The following METTL16 variants were observed in gnomAD, a reference collection of about 807,000 sequenced individuals.
The protein encoded by METTL16 is methyltransferase 16, RNA N6-adenosine, also known as RNA N(6)-adenosine-methyltransferase METTL16.
Under a neutral mutation model 57.9 loss-of-function variants are expected in METTL16, and 19 were observed. The ratio of observed to expected loss-of-function variants is 0.33; its 90% CI spans 0.23 to 0.48. The LOEUF (loss-of-function observed/expected upper bound fraction) is 0.48. Ranked by LOEUF, METTL16 falls within the 20% of genes least tolerant of loss-of-function variation. METTL16 has a pLI of 0.99. For missense variants in METTL16, 434 were observed against 691.5 expected (o/e 0.63, Z 4.18); for synonymous variants, 246 against 255.6 (o/e 0.96, Z 0.36).
intron 2 of METTL16, among the ~76,000 whole-genome samples, chr17:2,485,688 T>C (rs2067336272): frequency 6.6e-6 from 1 of 152,220 alleles, no homozygotes; most frequent in Admixed American, 6.5e-5. Context: ...CAACAAATAG[T>C]TATTAAGTGT....
In METTL16 at chr17:2,418,966, G is replaced by A. The variant is rs1265311467; in HGVS notation, c.*1004C>T. 6.6e-6 allele frequency: 1 copy of A among 152,220 alleles called. No homozygotes were observed. Among genetic ancestry groups the A allele is most frequent in the Non-Finnish European group, 1.5e-5 (1 of 68,096 alleles). 9.4% of individuals were successfully genotyped at this position (152,220 alleles called of 1,614,324 possible). A position where few individuals can be genotyped will look rare whatever the true frequency, so the allele number is the denominator to read the frequency against. ...GTGTTTCAAGGACACAGTTACTCCG[G>A]CCTCAGAACTCTCCAATGTGAGTAG... On this transcript the variant is annotated 3_prime_UTR_variant, in exon 10 of 10. Coordinates refer to ENST00000263092, the MANE Select transcript of METTL16 (RefSeq NM_024086.4).
Position 2,420,665 on chromosome 17 carries a change from A to G in METTL16, c.1062+66T>C. On this transcript the variant is annotated intron_variant, in intron 9 of 9. Transcript: ENST00000263092. The surrounding 1 kb of genome is among the most constrained non-coding windows in gnomAD (Gnocchi z 5.4). ...CCTCTCTCCAAACTCTCAATAAAAA[A>G]AAAAAGAAAAAAGAAAAAAGAGAAG... The G allele has an allele frequency of 3.2e-6, 5 of 1,558,402 alleles. No individual in the cohort carries two copies. Among genetic ancestry groups the G allele is most frequent in the Non-Finnish European group, 4.3e-6 (5 of 1,160,844 alleles).
chr17:2,436,871 CTTTTTT>C, intron 8 of METTL16: 2 of 129,360 alleles, frequency 1.5e-5, no homozygotes, highest in Non-Finnish European at 1.6e-5. Context: ...GTGAACAAAC[CTTTTTT>C]TTTTTTTTTT....
At chr17:2,457,330 T>A (rs1321529274) in intron 6 of METTL16, among the ~76,000 whole-genome samples, 3 of 104,892 alleles carry the variant, frequency 2.9e-5, no homozygotes, top group East Asian at 5.6e-4. Context: ...AGAGCGAGAC[T>A]CCGTCTCAAA....
At chr17:2,436,056 C>T (rs751902500) in intron 8 of METTL16, among the ~76,000 whole-genome samples, 5 of 152,132 alleles carry the variant, frequency 3.3e-5, no homozygotes, top group Non-Finnish European at 7.4e-5. Flanking sequence ...CTTCCACCTG[C>T]AGCGCCGACA....
chr17:2,488,663 G>A (rs186539780), intron 2 of METTL16, among the ~76,000 whole-genome samples: 10 of 152,224 alleles, frequency 6.6e-5, no homozygotes, highest in East Asian at 1.9e-4. Flanking sequence ...TGAAATAAGC[G>A]AGTCAAAAAC....
chr17:2,415,944 TAGA>T (rs2066710949), downstream of METTL16: 1 of 151,882 alleles, frequency 6.6e-6, no homozygotes, highest in African/African-American at 2.4e-5. Flanking sequence ...TATTCTAGAG[TAGA>T]AGGACAGCTG....
At chr17:2,461,669 C>T (rs1010335096) in intron 6 of METTL16, among the ~76,000 whole-genome samples, 1 of 151,534 alleles carries the variant, frequency 6.6e-6, no homozygotes, top group Non-Finnish European at 1.5e-5. Context: ...CTCTGCCTCC[C>T]AGGTTCAAGC....
chr17:2,442,950 C>T (rs1485748462), intron 6 of METTL16, among the ~76,000 whole-genome samples: 4 of 151,968 alleles, frequency 2.6e-5, no homozygotes, highest in Non-Finnish European at 4.4e-5. Flanking sequence ...GCCTCAGCCT[C>T]GCAAGTAGCT....
chr17:2,439,241 T>C (rs886443653), intron 7 of METTL16, among the ~76,000 whole-genome samples: 2 of 152,208 alleles, frequency 1.3e-5, no homozygotes, highest in South Asian at 4.1e-4. Flanking sequence ...TCCTGGGTAG[T>C]GGGGACTACA....
chr17:2,448,800 T>TAAAAAAAAAAAAAAAAAAAAAAAA (rs1491334811), intron 6 of METTL16, among the ~76,000 whole-genome samples: 1 of 64,310 alleles, frequency 1.6e-5, no homozygotes, highest in African/African-American at 7.9e-5. Context: ...AAAAATAAAA[T>TAAAAAAAAAAAAAAAAAAAAAAAA]TTAAAAAAAA....
chr17:2,437,835 C>T (rs1484213549), intron 8 of METTL16, among the ~76,000 whole-genome samples: 1 of 152,194 alleles, frequency 6.6e-6, no homozygotes, highest in Non-Finnish European at 1.5e-5. Context: ...CAGGCATAAG[C>T]CACCATGCCC....
At chr17:2,467,095 G>A (rs1410387595) in intron 5 of METTL16, among the ~76,000 whole-genome samples, 8 of 152,052 alleles carry the variant, frequency 5.3e-5, no homozygotes, top group South Asian at 4.1e-4. Context: ...GTGAGTCACC[G>A]TGCAAGCTTC....
intron 2 of METTL16, among the ~76,000 whole-genome samples, chr17:2,493,656 T>C (rs1325206960): frequency 6.6e-6 from 1 of 150,750 alleles, no homozygotes; most frequent in Non-Finnish European, 1.5e-5. Context: ...GTGGTGGAGG[T>C]TGCAGTGAGC....
At chr17:2,505,238 G>T (rs906164469) in intron 1 of METTL16, among the ~76,000 whole-genome samples, 2 of 151,134 alleles carry the variant, frequency 1.3e-5, no homozygotes, top group Admixed American at 1.3e-4. Context: ...TTTAAATAAT[G>T]ATTATTCTTC....
chr17:2,505,714 T>C (rs1007069333), intron 1 of METTL16, among the ~76,000 whole-genome samples: 1 of 152,106 alleles, frequency 6.6e-6, no homozygotes, highest in African/African-American at 2.4e-5. Context: ...TTAATTGGTC[T>C]CCCTGCATCC....
rs376531911 is a variant in METTL16, at chr17:2,506,769, T to A, written c.1-4438A>T. ...CCCATCATCTGGGATGTGAGGAGCC[T>A]CTCTGCCTGGCTGCCCAGTCTGGAA... On this transcript the variant is annotated intron_variant, in intron 1 of 9. Transcript: ENST00000263092. Among the ~76,000 whole-genome samples, 466 of 146,872 alleles carry A rather than the reference T, an allele frequency of 3.2e-3. 1 individual carries two copies. Among genetic ancestry groups the A allele is most frequent in the African/African-American group, 0.012 (446 of 37,588 alleles).
At chr17:2,433,254 G>T (rs914666754) in intron 8 of METTL16, among the ~76,000 whole-genome samples, 2 of 152,208 alleles carry the variant, frequency 1.3e-5, no homozygotes, top group African/African-American at 4.8e-5. Flanking sequence ...TACAAAGTCA[G>T]CTCTGACTTC....
At chr17:2,477,914 T>C (rs775047210) in intron 2 of METTL16, 29 bp from the exon 3 acceptor site, 10 of 1,578,088 alleles carry the variant, frequency 6.3e-6, no homozygotes, top group Middle Eastern at 3.4e-4. Flanking sequence ...GAAGTAAAAC[T>C]GATTAGTAAG....
Sources: gnomAD v4.1 joint callset for allele counts (sites outside exome capture counted in the v4.1 genomes callset) on GRCh38, gnomAD v4.1.1 for gene constraint, Gnocchi (gnomAD v3.1) non-coding constraint, MANE v1.5 for transcripts, NCBI Gene and HGNC (gene_info 2026-07-23, HGNC 2026-07-21) for gene names.